The following DOCK8 variants were observed in gnomAD, a reference collection of about 807,000 sequenced individuals.
DOCK8 encodes the protein dedicator of cytokinesis 8, also known as dedicator of cytokinesis protein 8.
Under a neutral mutation model 245.6 loss-of-function variants are expected in DOCK8, and 141 were observed. The ratio of observed to expected loss-of-function variants is 0.57; its 90% confidence interval spans 0.50 to 0.66. The LOEUF (loss-of-function observed/expected upper bound fraction) is 0.66. DOCK8 is among the 30% of genes least tolerant of loss of function. The pLI is 0.00. For synonymous variants in DOCK8, 1,168 were observed against 970.2 expected (o/e 1.20, Z -3.79); for missense variants, 2,965 against 2,603.4 (o/e 1.14, Z -3.02).
chr9:218,870 T>G (rs2046822074), intron 1 of DOCK8, among the ~76,000 whole-genome samples: 1 of 152,220 alleles, frequency 6.6e-6, no homozygotes, highest in African/African-American at 2.4e-5. Context: ...CAGTTCTAAA[T>G]ATTTACATAT....
chr9:235,691 G>A (rs2047227809), intron 1 of DOCK8, among the ~76,000 whole-genome samples: 1 of 152,218 alleles, frequency 6.6e-6, no homozygotes, highest in African/African-American at 2.4e-5. Flanking sequence ...ATGGGCATAG[G>A]ACCCTCTGAG....
At chr9:311,922 C>T (rs766783542) in intron 5 of DOCK8, 32 bp from the exon 6 acceptor site, 1 of 1,610,872 alleles carries the variant, frequency 6.2e-7, no homozygotes, top group Admixed American at 1.7e-5. Context: ...CTTGCCGTCT[C>T]TCTCACAAAG....
chr9:396,652 G>A, intron 24 of DOCK8, 133 bp from the exon 25 acceptor site: 2 of 1,257,898 alleles, frequency 1.6e-6, no homozygotes, highest in Non-Finnish European at 2.3e-6. Context: ...GCTTGCTCGG[G>A]CACCACCAGC....
chr9:288,520 A>G (rs1481299207), intron 3 of DOCK8, among the ~76,000 whole-genome samples: 1 of 152,262 alleles, frequency 6.6e-6, no homozygotes, highest in Non-Finnish European at 1.5e-5. Context: ...GCCTCAGTGC[A>G]TAATGCACAG....
intron 14 of DOCK8, 125 bp downstream of exon 14, chr9:340,446 C>T: frequency 8.1e-7 from 1 of 1,241,800 alleles, no homozygotes; most frequent in Non-Finnish European, 1.1e-6. Context: ...CATGGCAAAA[C>T]CGTGTCTCTA....
intron 1 of DOCK8, among the ~76,000 whole-genome samples, chr9:221,759 T>A (rs1587608131): frequency 6.6e-6 from 1 of 151,488 alleles, no homozygotes; most frequent in Non-Finnish European, 1.5e-5. Flanking sequence ...GAGGCGGAAG[T>A]TGCAGTGAGC....
chr9:241,500 G>A (rs2047371997), intron 1 of DOCK8, among the ~76,000 whole-genome samples: 1 of 152,046 alleles, frequency 6.6e-6, no homozygotes, highest in African/African-American at 2.4e-5. Flanking sequence ...TCTGTTCCTG[G>A]CTTATTTCAC....
chr9:416,128 G>T (rs928745818), intron 29 of DOCK8, among the ~76,000 whole-genome samples: 8 of 152,216 alleles, frequency 5.3e-5, no homozygotes, highest in Non-Finnish European at 7.3e-5. Flanking sequence ...GGTTTGTAGA[G>T]TTCTGTTGGG....
At chr9:440,758 A>T (rs2057069811) in intron 40 of DOCK8, among the ~76,000 whole-genome samples, 1 of 151,942 alleles carries the variant, frequency 6.6e-6, no homozygotes, top group South Asian at 2.1e-4. Context: ...TTTGTTTTTG[A>T]GGCAGCGTCT....
rs762538542 is a variant in DOCK8 at position 336,683 on chromosome 9, A to G, written c.1387A>G (p.Thr463Ala). ...AAATGGGGTTGGATCCAACTTCAAAACCTCCACTCTGAGCGTTAGCAGCTT... is the reference window on the plus strand; with the variant it reads ...AAATGGGGTTGGATCCAACTTCAAAGCCTCCACTCTGAGCGTTAGCAGCTT... Reference protein sequence around the residue: ...EENGVGSNFKTSTLSVSSFFK... With the variant: ...EENGVGSNFKASTLSVSSFFK... Residue 463 changes from threonine to alanine, a missense_variant, in exon 12 of 48, where the codon ACC (threonine) becomes GCC (alanine). This residue lies in a region of DOCK8 where 2,825 missense variants were observed against 2,453.5 expected (regional missense o/e 1.15). Coordinates refer to ENST00000432829, the MANE Select transcript of DOCK8 (RefSeq NM_203447.4). The G allele has an allele frequency of 3.7e-6, 6 of 1,613,672 alleles. No individual in the cohort carries two copies. The highest frequency in any genetic ancestry group is 1.3e-5 in the African/African-American group (1 of 74,784).
upstream of DOCK8, chr9:214,457 T>A: frequency 1.3e-6 from 2 of 1,577,990 alleles, no homozygotes; most frequent in Non-Finnish European, 1.7e-6. Context: ...TTTTGTCTTT[T>A]TTTTTGGCTG....
Position 441,948 on chromosome 9 carries a change from A to G in DOCK8, c.5429A>G (p.Gln1810Arg). The change falls in exon 42 of 48, where the codon CAG becomes CGG. Residue 1810 changes from glutamine to arginine, a missense_variant. Around this residue, in one of 3 missense-constraint regions of DOCK8, gnomAD observed 2,825 missense variants for 2,453.5 expected, o/e 1.15. Coordinates refer to ENST00000432829, the MANE Select transcript of DOCK8 (RefSeq NM_203447.4). ...FGSKFGDLDE[Q>R]EFVYKEPAIT... is the part of the protein sequence containing the mutation. ...TCCAAATTTGGGGATTTGGATGAAC[A>G]GGAGTTTGTCTACAAAGAGCCTGCA... is the stretch of plus-strand genomic sequence containing the variant. 1 of 1,614,164 alleles carries G rather than the reference A, an allele frequency of 6.2e-7. No individual in the cohort carries two copies. Among genetic ancestry groups the G allele is most frequent in the Non-Finnish European group, 8.5e-7 (1 of 1,180,008 alleles).
At chr9:342,550 A>T (rs190781538) in intron 14 of DOCK8, among the ~76,000 whole-genome samples, 12 of 151,470 alleles carry the variant, frequency 7.9e-5, no homozygotes, top group African/African-American at 2.9e-4. Flanking sequence ...GTTCACTGCA[A>T]CCTCCGCCTC....
intron 21 of DOCK8, among the ~76,000 whole-genome samples, chr9:382,213 C>T (rs1049930523): frequency 6.6e-6 from 1 of 152,078 alleles, no homozygotes; most frequent in African/African-American, 2.4e-5. Context: ...GCTCTAGCAA[C>T]CCTGGGGTCC....
intron 24 of DOCK8, among the ~76,000 whole-genome samples, chr9:393,429 T>C (rs143694051): frequency 6.6e-6 from 1 of 152,212 alleles, no homozygotes; most frequent in East Asian, 1.9e-4. Flanking sequence ...CATCATCTAA[T>C]GTAATCATTA....
chr9:228,171 A>G (rs1236759166), intron 1 of DOCK8, among the ~76,000 whole-genome samples: 1 of 152,178 alleles, frequency 6.6e-6, no homozygotes. Flanking sequence ...GAAGGCCCCT[A>G]CAAGGCTGTG....
intron 43 of DOCK8, among the ~76,000 whole-genome samples, chr9:445,190 T>C (rs2057214948): frequency 6.6e-6 from 1 of 152,230 alleles, no homozygotes; most frequent in Non-Finnish European, 1.5e-5. Context: ...CAGTGATCTG[T>C]ACATAGCACA....
At chr9:464,025 T>A in intron 47 of DOCK8, 134 bp from the exon 48 acceptor site, 1 of 828,740 alleles carries the variant, frequency 1.2e-6, no homozygotes, top group Non-Finnish European at 2.1e-6. Flanking sequence ...CACTTATTAT[T>A]TGCTGAGTTG....
At chr9:319,450 A>G (rs2050491151) in intron 7 of DOCK8, among the ~76,000 whole-genome samples, 1 of 152,234 alleles carries the variant, frequency 6.6e-6, no homozygotes, top group African/African-American at 2.4e-5. Flanking sequence ...ATACTAACCT[A>G]TAACTGCAAG....
Sources: gnomAD v4.1 joint callset for allele counts (sites outside exome capture counted in the v4.1 genomes callset) on GRCh38, gnomAD v4.1.1 for gene constraint, gnomAD v4.1.1 regional missense constraint, MANE v1.5 for transcripts, NCBI Gene and HGNC (gene_info 2026-07-23, HGNC 2026-07-21) for gene names.